C2CD2: variants seen among roughly 807,000 people sequenced by gnomAD.
The protein encoded by C2CD2 is C2 calcium dependent domain containing 2, also known as C2 domain-containing protein 2.
C2CD2 carries 43 observed loss-of-function variants against 74.3 expected under a neutral mutation model. The ratio of observed to expected loss-of-function variants is 0.58; its 90% CI spans 0.45 to 0.75. The LOEUF (loss-of-function observed/expected upper bound fraction) is 0.75, where lower values mean the gene tolerates loss of function less well. Among genes scored for constraint, C2CD2 ranks in the 30% least tolerant of loss-of-function variants. C2CD2 has a pLI of 0.00. For synonymous variants in C2CD2, 422 were observed against 390.7 expected, an observed-to-expected ratio of 1.08 and a Z score of -0.94; for missense variants, 801 against 916.3, an observed-to-expected ratio of 0.87 and a Z score of 1.63.
intron 1 of C2CD2, among the ~76,000 whole-genome samples, chr21:41,952,282 T>C (rs2065456332): frequency 6.6e-6 from 1 of 152,244 alleles, no homozygotes; most frequent in Admixed American, 6.5e-5. Flanking sequence ...TGCTAACTGA[T>C]AGTCAAAGCT....
In C2CD2 at chr21:41,947,112, T is replaced by TCTCTCTCTCTCTCTCTCTCTC. The variant is rs1555906757; in HGVS notation, c.280-4868_280-4867insGAGAGAGAGAGAGAGAGAGAG. Among the ~76,000 whole-genome samples the TCTCTCTCTCTCTCTCTCTCTC allele has an allele frequency of 1.8e-3, 47 of 26,212 alleles. 2 individuals carry two copies. The highest frequency in any genetic ancestry group is 8.6e-3 in the South Asian group (8 of 926). The allele number at this position is 26,212 out of a possible 152,430, so 17.2% of individuals were successfully genotyped here. On this transcript the variant is annotated intron_variant, in intron 1 of 13. Coordinates refer to ENST00000380486, the MANE Select transcript of C2CD2 (RefSeq NM_015500.2). ...TTTCTTTCTTTCTTTCCTTTCTCTT[T>TCTCTCTCTCTCTCTCTCTCTC]TCTCTCTCTCTCTCTCTCTCTCTCT...
chr21:41,928,799 G>C (rs926804673), intron 2 of C2CD2, among the ~76,000 whole-genome samples: 1 of 152,064 alleles, frequency 6.6e-6, no homozygotes, highest in Admixed American at 6.5e-5. Flanking sequence ...TTCCCCTAGA[G>C]AGGATATGGA....
intron 2 of C2CD2, among the ~76,000 whole-genome samples, chr21:41,936,456 A>G (rs989385475): frequency 1.3e-5 from 2 of 152,242 alleles, no homozygotes; most frequent in African/African-American, 4.8e-5. Context: ...GCTGGTAAGG[A>G]TGTGGAGAAA....
rs2065333245 is a variant in C2CD2, at chr21:41,939,033, C to G, written c.378+3114G>C. Among the ~76,000 whole-genome samples the G allele has an allele frequency of 6.6e-6, 1 of 152,162 alleles. No individual in the cohort carries two copies. The highest frequency in any genetic ancestry group is 6.5e-5 in the Admixed American group (1 of 15,276). On this transcript the variant is annotated intron_variant, in intron 2 of 13. Transcript: ENST00000380486. This position sits in a 1 kb window ranked among gnomAD's most constrained non-coding sequence, Gnocchi z 5.5. ...CTGGGATTATAAGCGCGAGCCACGG[C>G]ACCCGGCCTAGAATGTCCTCACTTT...
At chr21:41,928,066 G>A (rs1257760549) in intron 2 of C2CD2, among the ~76,000 whole-genome samples, 1 of 152,242 alleles carries the variant, frequency 6.6e-6, no homozygotes, top group Non-Finnish European at 1.5e-5. Context: ...TTGTGAATGT[G>A]TTGTCTTTCA....
rs2065181646 is a variant in C2CD2 at position 41,923,894 on chromosome 21, G to C, written c.379-1809C>G. Among the ~76,000 whole-genome samples the C allele has an allele frequency of 6.6e-6, 1 of 152,122 alleles. No homozygotes were observed. Among genetic ancestry groups the C allele is most frequent in the African/African-American group, 2.4e-5 (1 of 41,416 alleles). ...CCAGGCCAGGTGCCAGGTGTGTACT[G>C]GCCAGGAGGAGGAGAGGGGAGGCCA... On this transcript the variant is annotated intron_variant, in intron 2 of 13. Coordinates refer to ENST00000380486, the MANE Select transcript of C2CD2 (RefSeq NM_015500.2). This position sits in a 1 kb window ranked among gnomAD's most constrained non-coding sequence, Gnocchi z 5.8.
Position 41,894,236 on chromosome 21 carries a change from C to A in C2CD2, c.1870+4817G>T, listed in dbSNP as rs114926851. Among the ~76,000 whole-genome samples the A allele has an allele frequency of 2.2e-4, 34 of 152,244 alleles. 1 individual carries two copies. The highest frequency in any genetic ancestry group is 7.2e-4 in the African/African-American group (30 of 41,552). ...TGGACCCTCAATTATATTCCCCAGC[C>A]GCCTCTGAGGAAGGAGGCCTGATCC... On this transcript the variant is annotated intron_variant, in intron 13 of 13. Transcript: ENST00000380486.
chr21:41,932,599 G>A (rs2065272241), intron 2 of C2CD2, among the ~76,000 whole-genome samples: 2 of 150,692 alleles, frequency 1.3e-5, no homozygotes, highest in Admixed American at 1.3e-4. Context: ...GTTGGCACCA[G>A]AGTTGAAGAA....
intron 2 of C2CD2, among the ~76,000 whole-genome samples, chr21:41,922,330 T>C (rs2065164251): frequency 6.6e-6 from 1 of 151,892 alleles, no homozygotes; most frequent in Admixed American, 6.6e-5. Flanking sequence ...ACCTAATTTT[T>C]GTTTTTGTCT....
At chr21:41,907,844 C>T (rs931179541) in intron 8 of C2CD2, 60 bp from the exon 9 acceptor site, 38 of 1,596,050 alleles carry the variant, frequency 2.4e-5, no homozygotes, top group South Asian at 5.5e-5. Flanking sequence ...TCCGTGAGGA[C>T]GGAAAGGCCC....
chr21:41,920,105 C>T (rs1480795952), intron 3 of C2CD2, among the ~76,000 whole-genome samples: 3 of 152,272 alleles, frequency 2.0e-5, no homozygotes, highest in African/African-American at 7.2e-5. Flanking sequence ...AACTCAGTCC[C>T]GTAATCCCAT....
intron 1 of C2CD2, among the ~76,000 whole-genome samples, chr21:41,948,870 C>T (rs868302434): frequency 1.8e-3 from 143 of 80,684 alleles, no homozygotes; most frequent in South Asian, 2.4e-3. Flanking sequence ...CACACAGCAT[C>T]TTTTTTTTTT....
intron 8 of C2CD2, 90 bp downstream of exon 8, chr21:41,909,369 G>A (rs1248242258): frequency 5.8e-6 from 5 of 856,592 alleles, no homozygotes; most frequent in Middle Eastern, 5.2e-4. Flanking sequence ...TTCCTCTGCT[G>A]GATCTCCCAC....
chr21:41,932,385 G>A (rs1343976989), intron 2 of C2CD2, among the ~76,000 whole-genome samples: 1 of 150,290 alleles, frequency 6.7e-6, no homozygotes, highest in Non-Finnish European at 1.5e-5. Context: ...TCTGTGCTAT[G>A]AGCCGCTCTA....
chr21:41,953,611 G>T lies in C2CD2; in HGVS notation c.38C>A (p.Ala13Glu), dbSNP rs1326342756. ...GAGCGACACCAGCGCGAGCCACTGCGCCTCCCCGAGCCACGAGCCCAGCCG... is the reference window on the plus strand; with the variant it reads ...GAGCGACACCAGCGCGAGCCACTGCTCCTCCCCGAGCCACGAGCCCAGCCG... ...MARLGSWLGE[A>E]QWLALVSLFV... is the part of the protein sequence containing the mutation. Residue 13 changes from alanine (A) to glutamate (E), a missense_variant, in exon 1 of 14, where the codon GCG becomes GAG. Ala to Glu is a moderately radical substitution (Grantham distance 107, BLOSUM62 -1). Transcript: ENST00000380486. The T allele has an allele frequency of 1.3e-6, 2 of 1,489,168 alleles. No homozygotes were observed. The highest frequency in any genetic ancestry group is 1.8e-6 in the Non-Finnish European group (2 of 1,129,402). The allele number at this position is 1,489,168 out of a possible 1,614,324, so 92.2% of individuals were successfully genotyped here.
chr21:41,919,148 ATGTGTGCATGTATGAGCATG>A, intron 3 of C2CD2, 188 bp from the exon 4 acceptor site: 1 of 604,980 alleles, frequency 1.7e-6, no homozygotes, highest in South Asian at 1.9e-5. Flanking sequence ...ATGTGTGCTC[ATGTGTGCATGTATGAGCATG>A]TGTGTGCATG....
rs2064918731 is a variant in C2CD2, at chr21:41,903,100, A to G, written c.1433-1351T>C. Among the ~76,000 whole-genome samples, 1 of 152,206 alleles carries G rather than the reference A, an allele frequency of 6.6e-6. No homozygotes were observed. The highest frequency in any genetic ancestry group is 1.5e-5 in the Non-Finnish European group (1 of 68,040). ...GGCTCAGGGAGCGTCCAGGTTGTGA[A>G]CCAACGCATGCACGTACTGGGAAAG... On this transcript the variant is annotated intron_variant, in intron 11 of 13. Transcript: ENST00000380486. The surrounding 1 kb of genome is among the most constrained non-coding windows in gnomAD (Gnocchi z 4.5).
chr21:41,932,818 T>C (rs2065274296), intron 2 of C2CD2, among the ~76,000 whole-genome samples: 1 of 150,184 alleles, frequency 6.7e-6, no homozygotes, highest in Non-Finnish European at 1.5e-5. Flanking sequence ...GTTTTGCAGA[T>C]GAACCAGATA....
intron 8 of C2CD2, 127 bp downstream of exon 8, chr21:41,909,332 C>T (rs1160801795): frequency 1.6e-6 from 1 of 610,906 alleles, no homozygotes; most frequent in Non-Finnish European, 3.0e-6. Context: ...CATGGGAAAA[C>T]CAAAGTCATT....
Sources: gnomAD v4.1 joint callset for allele counts (sites outside exome capture counted in the v4.1 genomes callset) on GRCh38, gnomAD v4.1.1 for gene constraint, Gnocchi (gnomAD v3.1) non-coding constraint, MANE v1.5 for transcripts, NCBI Gene and HGNC (gene_info 2026-07-23, HGNC 2026-07-21) for gene names.